The following TCN2 variants were observed in gnomAD, a reference collection of about 807,000 sequenced individuals.
TCN2 encodes the protein transcobalamin-2.
In TCN2, 34 loss-of-function variants were observed where a neutral mutation model predicts 48.6. The ratio of observed to expected loss-of-function variants is 0.70; its 90% CI spans 0.53 to 0.93. The LOEUF is 0.93. Among genes scored for constraint, TCN2 ranks in the 40% least tolerant of loss-of-function variants. TCN2 has a pLI of 0.00. For missense variants in TCN2, 652 were observed against 526.1 expected (o/e 1.24, Z -2.34); for synonymous variants, 283 against 212.5 (o/e 1.33, Z -2.89).
intron 7 of TCN2, among the ~76,000 whole-genome samples, chr22:30,619,124 T>C (rs2087659750): frequency 6.6e-6 from 1 of 152,200 alleles, no homozygotes; most frequent in African/African-American, 2.4e-5. Flanking sequence ...TCACCTAGGC[T>C]AGAGTGCAGT....
At chr22:30,625,344 C>T (rs1263858009) in intron 8 of TCN2, among the ~76,000 whole-genome samples, 1 of 151,978 alleles carries the variant, frequency 6.6e-6, no homozygotes, top group African/African-American at 2.4e-5. Context: ...TACCTGCTGG[C>T]TGTGTTCTCA....
chr22:30,624,536 A>C lies in TCN2; in HGVS notation c.1222+1453A>C, dbSNP rs535145428. On this transcript the variant is annotated intron_variant, in intron 8 of 8. Transcript: ENST00000215838. ...TTTCTGAGGGAGCCCACAAAAAAGC[A>C]TTCTTTTCTTGCCCTCATTCTGAAT... Among the ~76,000 whole-genome samples, 11 of 151,908 alleles carry C rather than the reference A, an allele frequency of 7.2e-5. No homozygotes were observed. In the South Asian group the frequency reaches 2.3e-3, roughly 32 times the overall value.
chr22:30,616,581 G>T (rs1569042202), intron 6 of TCN2, among the ~76,000 whole-genome samples: 5 of 151,580 alleles, frequency 3.3e-5, no homozygotes, highest in Admixed American at 2.6e-4. Flanking sequence ...CAGATGGATT[G>T]CCTGAGCCCA....
At chr22:30,610,692 C>T (rs773557555) in intron 1 of TCN2, among the ~76,000 whole-genome samples, 179 bp from the exon 2 acceptor site, 6 of 152,244 alleles carry the variant, frequency 3.9e-5, no homozygotes, top group Non-Finnish European at 8.8e-5. Context: ...CACGCTTCCC[C>T]TCTTTTCTCC....
rs1321160056 is a variant in TCN2, at chr22:30,623,945, C to CATGTAT, written c.1222+863_1222+864insTGTATA. 3.4e-4 allele frequency among the ~76,000 whole-genome samples: 11 copies of CATGTAT among 31,998 alleles called. 2 individuals are homozygous for CATGTAT. Among genetic ancestry groups the CATGTAT allele is most frequent in the Non-Finnish European group, 7.2e-4 (11 of 15,380 alleles). 21.0% of individuals were successfully genotyped at this position (31,998 alleles called of 152,430 possible). A position where few individuals can be genotyped will look rare whatever the true frequency, so the allele number is the denominator to read the frequency against. On this transcript the variant is annotated intron_variant, in intron 8 of 8. Coordinates refer to ENST00000215838, the MANE Select transcript of TCN2 (RefSeq NM_000355.4). ...ATATATGTATACATATATACACACACACATATGTATACATATATACACACA... is the reference window on the plus strand; with the variant it reads ...ATATATGTATACATATATACACACACATGTATACATATGTATACATATATACACACA...
At chr22:30,613,863 C>T (rs5749133) in intron 3 of TCN2, among the ~76,000 whole-genome samples, 1 of 152,194 alleles carries the variant, frequency 6.6e-6, no homozygotes. Context: ...TCCCACACAC[C>T]TGCCCTCTGT....
At chr22:30,607,982 A>G (rs922848328) in intron 1 of TCN2, among the ~76,000 whole-genome samples, 1 of 152,148 alleles carries the variant, frequency 6.6e-6, no homozygotes, top group Non-Finnish European at 1.5e-5. Flanking sequence ...GGAGTGGGGG[A>G]CACACATTCT....
chr22:30,619,016 T>C, intron 7 of TCN2, among the ~76,000 whole-genome samples: 1 of 152,176 alleles, frequency 6.6e-6, no homozygotes, highest in African/African-American at 2.4e-5. Flanking sequence ...GTGATATGTC[T>C]GCCTCAGCCT....
intron 1 of TCN2, among the ~76,000 whole-genome samples, chr22:30,610,632 T>A (rs1293723560): frequency 6.6e-6 from 1 of 152,226 alleles, no homozygotes; most frequent in African/African-American, 2.4e-5. Flanking sequence ...TCCTCTATCT[T>A]CAGCCCACCA....
At chr22:30,614,020 T>A (rs1253240571) in intron 3 of TCN2, among the ~76,000 whole-genome samples, 1 of 152,058 alleles carries the variant, frequency 6.6e-6, no homozygotes, top group Non-Finnish European at 1.5e-5. Flanking sequence ...CAGCATTACC[T>A]CCTTGGAGAA....
intron 6 of TCN2, among the ~76,000 whole-genome samples, chr22:30,616,927 G>T (rs2087620028): frequency 6.6e-6 from 1 of 152,152 alleles, no homozygotes; most frequent in Non-Finnish European, 1.5e-5. Flanking sequence ...GGGAGAATGA[G>T]TGGGAGTGGA....
At chr22:30,618,895 G>T (rs370344191) in intron 7 of TCN2, among the ~76,000 whole-genome samples, 3 of 151,928 alleles carry the variant, frequency 2.0e-5, no homozygotes, top group South Asian at 2.1e-4. Context: ...TCAGTCTCCC[G>T]AGTAGCTGGG....
At position 30,623,973 on chromosome 22, in the gene TCN2, T is replaced by C. The variant is rs1300855047; in HGVS notation, c.1222+890T>C. ...ATATGTATACATATATACACACACA[T>C]ATATATGTATACATATATACACACA... is the stretch of plus-strand genomic sequence containing the variant. On this transcript the variant is annotated intron_variant, in intron 8 of 8. Transcript: ENST00000215838. Among the ~76,000 whole-genome samples, 13 of 15,118 alleles carry C rather than the reference T, an allele frequency of 8.6e-4. 3 individuals carry two copies. The highest frequency in any genetic ancestry group is 5.9e-3 in the South Asian group (5 of 846). 9.9% of individuals were successfully genotyped at this position (15,118 alleles called of 152,430 possible).
At chr22:30,610,225 A>G (rs1205630242) in intron 1 of TCN2, 4 of 471,134 alleles carry the variant, frequency 8.5e-6, no homozygotes, top group Admixed American at 4.7e-5. Context: ...GGTCCTCTTC[A>G]TTTAAACAGA....
In TCN2 at chr22:30,619,992, A is replaced by G. The variant is rs368164085; in HGVS notation, c.1106+2497A>G. 5.3e-4 allele frequency among the ~76,000 whole-genome samples: 80 copies of G among 152,230 alleles called. 2 individuals carry two copies. The East Asian group carries it at 0.012, about 23-fold the overall frequency. On this transcript the variant is annotated intron_variant, in intron 7 of 8. Coordinates refer to ENST00000215838, the MANE Select transcript of TCN2 (RefSeq NM_000355.4). Reference sequence around the variant, plus strand: ...AACATAGTGAGACTGCCATCTCTTCAAAAAAATTTTTTTAATTAGCTGGGC... The same window carrying G: ...AACATAGTGAGACTGCCATCTCTTCGAAAAAATTTTTTTAATTAGCTGGGC...
intron 7 of TCN2, among the ~76,000 whole-genome samples, chr22:30,622,469 CAG>C (rs2087712805): frequency 6.6e-6 from 1 of 152,182 alleles, no homozygotes; most frequent in Non-Finnish European, 1.5e-5. Flanking sequence ...CATGTAGAAT[CAG>C]AGAGGAGGCT....
chr22:30,626,850 G>A lies in TCN2; in HGVS notation c.*329G>A, dbSNP rs779850312. The stretch of plus-strand genomic sequence containing the variant: ...TGGCAAAAAACGGAGTCCGCAGGCC[G>A]CAGGTGTTGTGAAGACCACTCGTTC... On this transcript the variant is annotated 3_prime_UTR_variant, in exon 9 of 9. Transcript: ENST00000215838. 2.0e-5 allele frequency: 9 copies of A among 446,022 alleles called. No homozygotes were observed. In the East Asian group the frequency reaches 2.2e-4, roughly 11 times the overall value. 27.6% of individuals were successfully genotyped at this position (446,022 alleles called of 1,614,324 possible). A position where few individuals can be genotyped will look rare whatever the true frequency, so the allele number is the denominator to read the frequency against.
chr22:30,624,354 G>C (rs12485165), intron 8 of TCN2, among the ~76,000 whole-genome samples: 1 of 151,840 alleles, frequency 6.6e-6, no homozygotes, highest in African/African-American at 2.4e-5. Context: ...GATTACAGGC[G>C]TGAGCCACCA....
At chr22:30,617,308 C>T (rs773747933) in intron 6 of TCN2, 22 bp from the exon 7 acceptor site, 16 of 1,613,948 alleles carry the variant, frequency 9.9e-6, no homozygotes, top group South Asian at 7.7e-5. Flanking sequence ...ACCAGCTGCC[C>T]GCCCCTTTCT....
Sources: gnomAD v4.1 joint callset for allele counts (sites outside exome capture counted in the v4.1 genomes callset) on GRCh38, gnomAD v4.1.1 for gene constraint, MANE v1.5 for transcripts, NCBI Gene and HGNC (gene_info 2026-07-23, HGNC 2026-07-21) for gene names.